Variants in TAGLN3 observed in about 807,000 individuals in gnomAD.
TAGLN3 encodes transgelin 3.
Under a neutral mutation model 25.4 loss-of-function variants are expected in TAGLN3, and 12 were observed. That is an observed-to-expected ratio of 0.47 (90% CI 0.30 to 0.77). TAGLN3 has a LOEUF of 0.77. Among genes scored for constraint, TAGLN3 ranks in the 30% least tolerant of loss-of-function variants. The pLI, the probability that TAGLN3 is intolerant of heterozygous loss-of-function variation, is 0.06. For synonymous variants in TAGLN3, 96 were observed against 94.8 expected, an observed-to-expected ratio of 1.01 and a Z score of -0.08; for missense variants, 218 against 255.8, an observed-to-expected ratio of 0.85 and a Z score of 1.01.
chr3:112,003,859 A>G (rs1275780474), intron 3 of TAGLN3, among the ~76,000 whole-genome samples: 1 of 152,140 alleles, frequency 6.6e-6, no homozygotes, highest in Non-Finnish European at 1.5e-5. Flanking sequence ...GGCTGCCTGG[A>G]TGTTGCAAAC....
chr3:112,000,875 A>G lies in TAGLN3; in HGVS notation c.284A>G (p.Gln95Arg), dbSNP rs760224772. 5.0e-6 allele frequency: 8 copies of G among 1,614,078 alleles called. No homozygotes were observed. The highest frequency in any genetic ancestry group is 5.9e-6 in the Non-Finnish European group (7 of 1,180,020). Residue 95 changes from glutamine (Q) to arginine (R), a missense_variant, in exon 3 of 5, where the codon CAG (glutamine) becomes CGG (arginine). Physicochemically the swap from Gln to Arg is conservative, Grantham distance 43. Coordinates refer to ENST00000478951, the MANE Select transcript of TAGLN3 (RefSeq NM_001008272.2). ...MAFKQMEQIS[Q>R]FLKAAETYGV... ...TTTAAGCAGATGGAGCAAATCTCCC[A>G]GTTCCTAAAAGCTGCGGAGACCTAT...
Position 112,013,403 on chromosome 3 carries a change from T to C in TAGLN3, c.459-7T>C, listed in dbSNP as rs768361241. ...TGACATTATTCCCTCTCACTTTCCT[T>C]GTCCAGGAAAGCCCAGCAGAATCGG... On this transcript the variant is annotated splice_region_variant and splice_polypyrimidine_tract_variant and intron_variant, in intron 4 of 4. Transcript: ENST00000478951. 1 of 1,607,606 alleles carries C rather than the reference T, an allele frequency of 6.2e-7. No individual in the cohort carries two copies. The highest frequency in any genetic ancestry group is 8.5e-7 in the Non-Finnish European group (1 of 1,175,620).
At chr3:112,010,447 A>G (rs964088121) in intron 3 of TAGLN3, among the ~76,000 whole-genome samples, 1 of 152,240 alleles carries the variant, frequency 6.6e-6, no homozygotes, top group Non-Finnish European at 1.5e-5. Flanking sequence ...CCTTCAGAAT[A>G]TCATTACTAC....
At chr3:112,005,679 C>G (rs1393959322) in intron 3 of TAGLN3, among the ~76,000 whole-genome samples, 1 of 148,650 alleles carries the variant, frequency 6.7e-6, no homozygotes, top group Non-Finnish European at 1.5e-5. Context: ...GTCTGCTGCT[C>G]GAAGCCTAAT....
chr3:112,002,029 C>A (rs62277658), intron 3 of TAGLN3, among the ~76,000 whole-genome samples: 29,216 of 152,150 alleles, frequency 0.19, 2,903 homozygotes, highest in Middle Eastern at 0.25. Flanking sequence ...TAAAATCCTA[C>A]GATGCTAATA....
rs188029810 is a variant in TAGLN3 at position 112,008,497 on chromosome 3, T to C, written c.356-3266T>C. Among the ~76,000 whole-genome samples the C allele has an allele frequency of 3.6e-4, 55 of 152,278 alleles. No homozygotes were observed. The Middle Eastern group carries it at 0.01, about 28-fold the overall frequency. ...GCCCAGCCTTTTGTTGTTTTATACT[T>C]CGTGCACATCACAGAGCTTCCTTAA... is the stretch of plus-strand genomic sequence containing the variant. On this transcript the variant is annotated intron_variant, in intron 3 of 4. Transcript: ENST00000478951.
intron 3 of TAGLN3, among the ~76,000 whole-genome samples, chr3:112,009,741 T>G (rs1239966896): frequency 6.6e-6 from 1 of 152,164 alleles, no homozygotes; most frequent in African/African-American, 2.4e-5. Context: ...TCAAATATCT[T>G]GCTTTGGAAA....
intron 2 of TAGLN3, 43 bp downstream of exon 2, chr3:111,999,645 G>T (rs905996552): frequency 1.2e-6 from 2 of 1,602,852 alleles, no homozygotes; most frequent in Admixed American, 3.3e-5. Context: ...GGTGGGCAGG[G>T]AAACCCTCCA....
chr3:112,005,607 C>G (rs1463137672), intron 3 of TAGLN3, among the ~76,000 whole-genome samples: 1 of 151,874 alleles, frequency 6.6e-6, no homozygotes, highest in African/African-American at 2.4e-5. Flanking sequence ...TTTCACACAG[C>G]ATGAGAGATC....
intron 3 of TAGLN3, among the ~76,000 whole-genome samples, chr3:112,011,438 C>T (rs1312387793): frequency 3.3e-5 from 5 of 152,220 alleles, no homozygotes; most frequent in Non-Finnish European, 7.3e-5. Flanking sequence ...TGCCAGGCCT[C>T]TGGCCCAAAG....
intron 3 of TAGLN3, among the ~76,000 whole-genome samples, chr3:112,006,757 ACT>A (rs2072921136): frequency 6.6e-6 from 1 of 152,146 alleles, no homozygotes; most frequent in Admixed American, 6.5e-5. Flanking sequence ...CTTTTCATTT[ACT>A]TTTTATTTTC....
At chr3:112,000,156 G>T (rs926987024) in intron 2 of TAGLN3, among the ~76,000 whole-genome samples, 1 of 152,166 alleles carries the variant, frequency 6.6e-6, no homozygotes, top group African/African-American at 2.4e-5. Context: ...AGGGCCGCAG[G>T]CTCTGTGATT....
intron 2 of TAGLN3, chr3:112,000,390 C>G (rs2072842418): frequency 6.0e-6 from 1 of 167,838 alleles, no homozygotes; most frequent in Non-Finnish European, 1.3e-5. Flanking sequence ...ATCATTTGAG[C>G]TCTGCCAACC....
chr3:112,009,830 C>A (rs1477139296), intron 3 of TAGLN3, among the ~76,000 whole-genome samples: 2 of 151,952 alleles, frequency 1.3e-5, no homozygotes, highest in African/African-American at 2.4e-5. Flanking sequence ...CAAGTGTAAT[C>A]ACTTCCTTTT....
rs771622002 is a variant in TAGLN3 at position 112,000,847 on chromosome 3, G to A, written c.256G>A (p.Ala86Thr). The change falls in exon 3 of 5, where the codon GCT becomes ACT. Residue 86 changes from alanine (A) to threonine (T), a missense_variant. Coordinates refer to ENST00000478951, the MANE Select transcript of TAGLN3 (RefSeq NM_001008272.2). ...ACCCAAGATCTCAGAGTCAAAGATG[G>A]CTTTTAAGCAGATGGAGCAAATCTC... is the stretch of plus-strand genomic sequence containing the variant. ...PIPKISESKM[A>T]FKQMEQISQF... 2 of 1,614,152 alleles carry A rather than the reference G, an allele frequency of 1.2e-6. No individual in the cohort carries two copies. Among genetic ancestry groups the A allele is most frequent in the South Asian group, 1.1e-5 (1 of 91,078 alleles).
intron 2 of TAGLN3, 176 bp from the exon 3 acceptor site, chr3:112,000,596 G>A (rs1430719366): frequency 8.4e-6 from 5 of 596,966 alleles, no homozygotes; most frequent in Non-Finnish European, 5.9e-6. Flanking sequence ...CTGGGTCTTT[G>A]GGGCTTAGTA....
chr3:112,009,984 A>G (rs1007715307), intron 3 of TAGLN3, among the ~76,000 whole-genome samples: 10 of 151,844 alleles, frequency 6.6e-5, no homozygotes, highest in African/African-American at 2.2e-4. Flanking sequence ...ACACTTACAT[A>G]TAAGTGTTAG....
intron 3 of TAGLN3, among the ~76,000 whole-genome samples, chr3:112,009,774 A>G (rs2072955750): frequency 6.6e-6 from 1 of 151,990 alleles, no homozygotes; most frequent in Non-Finnish European, 1.5e-5. Context: ...AAAAATTCCA[A>G]TTTCTTCCTG....
chr3:112,006,661 A>G (rs2072920364), intron 3 of TAGLN3, among the ~76,000 whole-genome samples: 1 of 152,236 alleles, frequency 6.6e-6, no homozygotes, highest in African/African-American at 2.4e-5. Context: ...TTTTGTATTA[A>G]AAGTAGAAAT....
Sources: gnomAD v4.1 joint callset for allele counts (sites outside exome capture counted in the v4.1 genomes callset) on GRCh38, gnomAD v4.1.1 for gene constraint, MANE v1.5 for transcripts, NCBI Gene and HGNC (gene_info 2026-07-23, HGNC 2026-07-21) for gene names.